FANCI: variants seen among roughly 807,000 people sequenced by gnomAD.
FANCI encodes Fanconi anemia group I protein.
A neutral mutation model predicts 176.1 loss-of-function variants in FANCI; 156 were observed. The observed-to-expected ratio is 0.89, with a 90% CI of 0.78 to 1.01. The LOEUF is 1.01. Among genes scored for constraint, FANCI ranks in the 50% least tolerant of loss-of-function variants. The probability of loss-of-function intolerance (pLI) is 0.00; values close to 1 mark genes in which losing one functional copy is unlikely to be tolerated. For missense variants in FANCI, 1,678 were observed against 1,534.1 expected (o/e 1.09, Z -1.57); for synonymous variants, 613 against 541.7 (o/e 1.13, Z -1.83).
chr15:89,254,247 C>T (rs79553932), intron 2 of FANCI, among the ~76,000 whole-genome samples: 406 of 152,196 alleles, frequency 2.7e-3, no homozygotes, highest in African/African-American at 9.5e-3. Context: ...AACAAACACA[C>T]CCATCACCTA....
chr15:89,290,657 G>T, intron 19 of FANCI: 1 of 217,664 alleles, frequency 4.6e-6, no homozygotes, highest in Non-Finnish European at 9.4e-6. Flanking sequence ...ATGGATACAT[G>T]GATGTCTTTT....
chr15:89,275,607 T>TA (rs769862512), intron 12 of FANCI, among the ~76,000 whole-genome samples: 1 of 152,338 alleles, frequency 6.6e-6, no homozygotes, highest in Middle Eastern at 3.4e-3. Flanking sequence ...TACCCATTGT[T>TA]AGGCCTTAAA....
At chr15:89,302,656 C>T (rs1596320607) in intron 27 of FANCI, among the ~76,000 whole-genome samples, 2 of 151,626 alleles carry the variant, frequency 1.3e-5, no homozygotes, top group South Asian at 2.1e-4. Context: ...TCACTGCAGG[C>T]GCCGCCTTCC....
chr15:89,294,485 C>T (rs1449539968), intron 23 of FANCI, among the ~76,000 whole-genome samples: 2 of 151,694 alleles, frequency 1.3e-5, no homozygotes, highest in Non-Finnish European at 2.9e-5. Context: ...CTTGGGAGGC[C>T]GAGGCAGGAG....
At chr15:89,282,813 C>G in intron 16 of FANCI, 1 of 359,100 alleles carries the variant, frequency 2.8e-6, no homozygotes, top group Non-Finnish European at 5.4e-6. Context: ...ATGGCAAAAT[C>G]AGCAATTTCT....
intron 18 of FANCI, among the ~76,000 whole-genome samples, chr15:89,288,187 A>G (rs1414024450): frequency 6.6e-6 from 1 of 152,138 alleles, no homozygotes; most frequent in African/African-American, 2.4e-5. Context: ...ACAGTGAGCC[A>G]CTCTTCTTTA....
At chr15:89,284,498 A>C (rs1032171155) in intron 17 of FANCI, among the ~76,000 whole-genome samples, 2 of 152,240 alleles carry the variant, frequency 1.3e-5, no homozygotes, top group African/African-American at 4.8e-5. Flanking sequence ...ACTGAGGCTG[A>C]GCCAGGTTAA....
chr15:89,257,983 A>C (rs1359525254), intron 2 of FANCI, among the ~76,000 whole-genome samples: 1 of 152,166 alleles, frequency 6.6e-6, no homozygotes. Flanking sequence ...CATGGCCTGT[A>C]AGATTCTTCA....
chr15:89,316,681 G>A lies in FANCI; in HGVS notation c.*222G>A. The A allele has an allele frequency of 7.4e-7, 1 of 1,352,130 alleles. No homozygotes were observed. Among genetic ancestry groups the A allele is most frequent in the Non-Finnish European group, 1.1e-6 (1 of 945,522 alleles). 83.8% of individuals were successfully genotyped at this position (1,352,130 alleles called of 1,614,324 possible). A position where few individuals can be genotyped will look rare whatever the true frequency, so the allele number is the denominator to read the frequency against. On this transcript the variant is annotated 3_prime_UTR_variant, in exon 38 of 38. Transcript: ENST00000310775. Reference sequence around the variant, plus strand: ...CCTTTTGCAAAAAGCACAGCTGAAAGCCTGAGTTTGGGAGCCTGCACCACC... The same window carrying A: ...CCTTTTGCAAAAAGCACAGCTGAAAACCTGAGTTTGGGAGCCTGCACCACC...
At chr15:89,289,366 C>T (rs997527539) in intron 18 of FANCI, among the ~76,000 whole-genome samples, 4 of 151,958 alleles carry the variant, frequency 2.6e-5, no homozygotes, top group East Asian at 1.9e-4. Flanking sequence ...GGTGCGGTCT[C>T]GGGTCTCAGC....
At chr15:89,289,520 G>A (rs950864494) in intron 18 of FANCI, among the ~76,000 whole-genome samples, 1 of 152,084 alleles carries the variant, frequency 6.6e-6, no homozygotes, top group African/African-American at 2.4e-5. Context: ...GACCAGGCTG[G>A]TCTCGACTTC....
At chr15:89,263,573 G>A (rs2052808991) in intron 7 of FANCI, 113 bp downstream of exon 7, 1 of 982,792 alleles carries the variant, frequency 1.0e-6, no homozygotes, top group African/African-American at 1.6e-5. Flanking sequence ...AAGAATATTA[G>A]TAGTTATGTT....
chr15:89,293,427 C>G (rs1043705115), intron 22 of FANCI, among the ~76,000 whole-genome samples: 1 of 152,196 alleles, frequency 6.6e-6, no homozygotes, highest in African/African-American at 2.4e-5. Flanking sequence ...TGGCTCACGC[C>G]TGTAATCCCA....
At chr15:89,252,901 A>G (rs2052323287) in intron 2 of FANCI, among the ~76,000 whole-genome samples, 1 of 152,230 alleles carries the variant, frequency 6.6e-6, no homozygotes, top group Non-Finnish European at 1.5e-5. Flanking sequence ...AAGTTAATTT[A>G]TCAATTTAAT....
At chr15:89,246,244 T>C (rs1297775927) in intron 1 of FANCI, among the ~76,000 whole-genome samples, 3 of 152,198 alleles carry the variant, frequency 2.0e-5, no homozygotes, top group African/African-American at 7.2e-5. Flanking sequence ...ATCTTTTCTG[T>C]TCTCCAGTCA....
intron 9 of FANCI, among the ~76,000 whole-genome samples, 179 bp from the exon 10 acceptor site, chr15:89,268,220 A>T (rs571171742): frequency 1.3e-5 from 2 of 152,224 alleles, no homozygotes; most frequent in East Asian, 3.9e-4. Flanking sequence ...TCAGCCTCCC[A>T]AGTAGCTGGG....
intron 6 of FANCI, among the ~76,000 whole-genome samples, chr15:89,262,944 C>A (rs2052776602): frequency 6.6e-6 from 1 of 152,218 alleles, no homozygotes; most frequent in South Asian, 2.1e-4. Flanking sequence ...ATTGGCCAGG[C>A]TGGTCTCTTG....
In FANCI at chr15:89,283,193, T is replaced by C; in HGVS notation, c.1641T>C (p.Phe547=). The C allele has an allele frequency of 6.2e-7, 1 of 1,614,218 alleles. No homozygotes were observed. The highest frequency in any genetic ancestry group is 1.1e-5 in the South Asian group (1 of 91,090). ...GGTTTTTGCTGCTCCTGAAGAACTT[T>C]AAAGTTTTAGGCAGCCTGTCATCCT... ...VAGFLLLLKN[F]KVLGSLSSSQ... Residue 547 remains phenylalanine (F), a synonymous_variant, in exon 17 of 38, where the codon TTT becomes TTC. Transcript: ENST00000310775.
intron 9 of FANCI, among the ~76,000 whole-genome samples, chr15:89,267,801 C>T (rs954524105): frequency 1.3e-5 from 2 of 152,064 alleles, no homozygotes; most frequent in African/African-American, 4.8e-5. Context: ...GTGGCACATG[C>T]CTGTAGTCCC....
Sources: gnomAD v4.1 joint callset for allele counts (sites outside exome capture counted in the v4.1 genomes callset) on GRCh38, gnomAD v4.1.1 for gene constraint, MANE v1.5 for transcripts, NCBI Gene and HGNC (gene_info 2026-07-23, HGNC 2026-07-21) for gene names.